Variants in EOGT observed in about 807,000 individuals in gnomAD.
EOGT encodes the protein EGF domain-specific O-linked N-acetylglucosamine transferase.
Under a neutral mutation model 70.5 loss-of-function variants are expected in EOGT, and 55 were observed. That is an observed-to-expected ratio of 0.78 (90% confidence interval 0.63 to 0.98). The LOEUF (loss-of-function observed/expected upper bound fraction) is 0.98. Among genes scored for constraint, EOGT ranks in the 50% least tolerant of loss-of-function variants. The probability of loss-of-function intolerance (pLI) is 0.00; values close to 1 mark genes in which losing one functional copy is unlikely to be tolerated. For synonymous variants in EOGT, 246 were observed against 217.1 expected, an observed-to-expected ratio of 1.13 and a Z score of -1.17; for missense variants, 703 against 641.9, an observed-to-expected ratio of 1.10 and a Z score of -1.03.
Position 69,001,730 on chromosome 3 carries a change from G to A in EOGT, c.621-16C>T. On this transcript the variant is annotated splice_polypyrimidine_tract_variant and intron_variant, in intron 8 of 17. Coordinates refer to ENST00000383701, the MANE Select transcript of EOGT (RefSeq NM_001278689.2). The stretch of plus-strand genomic sequence containing the variant: ...CTCAGCAAACCTGAAATTATGAATT[G>A]GGACATGACTTCAAACTGATTCTCC... 1 of 1,536,554 alleles carries A rather than the reference G, an allele frequency of 6.5e-7. No individual in the cohort carries two copies. The highest frequency in any genetic ancestry group is 2.3e-5 in the East Asian group (1 of 44,342).
intron 6 of EOGT, among the ~76,000 whole-genome samples, chr3:69,007,507 CGG>C (rs373649414): frequency 4.0e-5 from 1 of 24,782 alleles, no homozygotes; most frequent in Non-Finnish European, 9.6e-5. Context: ...TAAAAATTAG[CGG>C]GGGGGGGTGG....
At chr3:68,991,938 A>G (rs1281030774) in intron 10 of EOGT, among the ~76,000 whole-genome samples, 1 of 152,220 alleles carries the variant, frequency 6.6e-6, no homozygotes, top group African/African-American at 2.4e-5. Flanking sequence ...TGATAAACCC[A>G]TCAGATCTCA....
chr3:68,979,040 C>T (rs7626103), intron 16 of EOGT, among the ~76,000 whole-genome samples: 148,942 of 152,322 alleles, frequency 0.98, 72,850 homozygotes, highest in Middle Eastern at 1. Flanking sequence ...AGTCAAATCA[C>T]TTTTAAAATG....
At chr3:68,992,447 C>T (rs1458983082) in intron 10 of EOGT, among the ~76,000 whole-genome samples, 4 of 152,234 alleles carry the variant, frequency 2.6e-5, no homozygotes, top group Non-Finnish European at 5.9e-5. Context: ...CCAGGTCTCA[C>T]ATCCAGGTTA....
In EOGT at chr3:68,997,047, C is replaced by A. The variant is rs139522833; in HGVS notation, c.831+964G>T. Among the ~76,000 whole-genome samples the A allele has an allele frequency of 2.7e-4, 41 of 152,238 alleles. No homozygotes were observed. In the East Asian group the frequency reaches 6.4e-3, roughly 24 times the overall value. On this transcript the variant is annotated intron_variant, in intron 10 of 17. Coordinates refer to ENST00000383701, the MANE Select transcript of EOGT (RefSeq NM_001278689.2). ...CTATCTCATTTCAGAGCTGAAGATT[C>A]TGGGGCACATCTTGGGGTTTCCTCA... is the stretch of plus-strand genomic sequence containing the variant.
intron 9 of EOGT, among the ~76,000 whole-genome samples, chr3:69,000,511 G>A (rs939515670): frequency 1.3e-5 from 2 of 152,144 alleles, no homozygotes; most frequent in Non-Finnish European, 2.9e-5. Flanking sequence ...AAACTTGTCT[G>A]ATTTCTGAAT....
At chr3:69,010,346 A>C (rs2091546986) in intron 3 of EOGT, among the ~76,000 whole-genome samples, 1 of 152,260 alleles carries the variant, frequency 6.6e-6, no homozygotes, top group African/African-American at 2.4e-5. Flanking sequence ...GCTGTGTTCC[A>C]ATAAAACTTT....
At chr3:69,007,306 TTTACA>T (rs1385483100) in intron 6 of EOGT, among the ~76,000 whole-genome samples, 2 of 152,144 alleles carry the variant, frequency 1.3e-5, no homozygotes, top group African/African-American at 4.8e-5. Context: ...CTATCTTGTT[TTTACA>T]TTACAAGCTA....
intron 10 of EOGT, among the ~76,000 whole-genome samples, chr3:68,992,718 C>A (rs567131207): frequency 6.6e-6 from 1 of 152,354 alleles, no homozygotes; most frequent in East Asian, 1.9e-4. Context: ...TCCACACTGC[C>A]TTAGCAGAGG....
chr3:68,977,577 A>G lies in EOGT; in HGVS notation c.*41T>C, dbSNP rs2090506573. 1 of 1,603,420 alleles carries G rather than the reference A, an allele frequency of 6.2e-7. No homozygotes were observed. Among genetic ancestry groups the G allele is most frequent in the Admixed American group, 1.7e-5 (1 of 58,852 alleles). On this transcript the variant is annotated 3_prime_UTR_variant, in exon 18 of 18. Transcript: ENST00000383701. ...ATTTAATTCTAAGTCTGGGTGTTGG[A>G]GTGTTTAAACACTCTCTTTTTGCAA...
chr3:68,977,215 AG>A lies in EOGT; in HGVS notation c.*402del. ...GGTGGTGCAGGCTGCAATCCCAGCT[AG>A]TCAGGTGGCTGAGGCAAAAGAATCG... On this transcript the variant is annotated 3_prime_UTR_variant, in exon 18 of 18. Coordinates refer to ENST00000383701, the MANE Select transcript of EOGT (RefSeq NM_001278689.2). The A allele has an allele frequency of 5.8e-6, 1 of 173,670 alleles. No individual in the cohort carries two copies. The highest frequency in any genetic ancestry group is 1.2e-5 in the Non-Finnish European group (1 of 83,208). The allele number at this position is 173,670 out of a possible 1,614,324, so 10.8% of individuals were successfully genotyped here. A position where few individuals can be genotyped will look rare whatever the true frequency, so the allele number is the denominator to read the frequency against.
rs1018256058 is a variant in EOGT at position 68,982,817 on chromosome 3, T to G, written c.1208A>C (p.Lys403Thr). The change falls in exon 15 of 18, where the codon AAG (lysine) becomes ACG (threonine). Residue 403 changes from lysine (K) to threonine (T), a missense_variant. By Grantham distance (78) the Lys-to-Thr change is moderately conservative (BLOSUM62 -1). Transcript: ENST00000383701. ...GAGATTGGCTATTACTTACCTATAC[T>G]TGTAATCAACAATCTGGACTTCAAA... is the stretch of plus-strand genomic sequence containing the variant. The part of the protein sequence containing the change: ...STFEVQIVDY[K>T]YRELGFLDQL... 1 of 1,607,414 alleles carries G rather than the reference T, an allele frequency of 6.2e-7. No homozygotes were observed. Among genetic ancestry groups the G allele is most frequent in the Non-Finnish European group, 8.5e-7 (1 of 1,176,762 alleles).
intron 14 of EOGT, among the ~76,000 whole-genome samples, chr3:68,983,305 T>C (rs762565479): frequency 6.6e-6 from 1 of 152,232 alleles, no homozygotes; most frequent in Non-Finnish European, 1.5e-5. Context: ...TTTTGCCCCA[T>C]CCATTATCTC....
chr3:68,978,219 G>A, intron 17 of EOGT, 114 bp downstream of exon 17: 1 of 775,486 alleles, frequency 1.3e-6, no homozygotes, highest in Non-Finnish European at 2.1e-6. Flanking sequence ...CAGTATTCCA[G>A]AGAACAGTTT....
At chr3:69,005,278 C>G (rs2091411884) in intron 6 of EOGT, 44 bp from the exon 7 acceptor site, 2 of 1,110,078 alleles carry the variant, frequency 1.8e-6, no homozygotes, top group Non-Finnish European at 1.4e-6. Flanking sequence ...AGTATTAACA[C>G]AGCAAAGACT....
intron 1 of EOGT, among the ~76,000 whole-genome samples, chr3:69,013,226 C>G (rs911214567): frequency 6.6e-6 from 1 of 151,876 alleles, no homozygotes; most frequent in Non-Finnish European, 1.5e-5. Flanking sequence ...CGCCCGCCAC[C>G]GTGCACCGCG....
At chr3:68,987,603 G>T in intron 13 of EOGT, 90 bp from the exon 14 acceptor site, 1 of 939,546 alleles carries the variant, frequency 1.1e-6, no homozygotes, top group Non-Finnish European at 1.7e-6. Context: ...TTCACAAAGA[G>T]ATGAAACTCA....
At chr3:69,007,853 TTC>T in intron 5 of EOGT, 32 bp from the exon 6 acceptor site, 1 of 1,504,830 alleles carries the variant, frequency 6.6e-7, no homozygotes, top group South Asian at 1.2e-5. Context: ...CTGTGTTTTT[TTC>T]TTTTTACTTT....
intron 7 of EOGT, among the ~76,000 whole-genome samples, chr3:69,004,760 CAA>C (rs1300909634): frequency 6.6e-6 from 1 of 151,910 alleles, no homozygotes; most frequent in East Asian, 1.9e-4. Context: ...TCATCAAAAA[CAA>C]ATTCAAGATA....
Sources: allele counts gnomAD v4.1 joint callset (sites outside exome capture counted in the v4.1 genomes callset), GRCh38; gene constraint gnomAD v4.1.1; transcripts MANE v1.5; gene names NCBI Gene and HGNC (gene_info 2026-07-23, HGNC 2026-07-21).